The following DNPEP variants were observed in gnomAD, a reference collection of about 807,000 sequenced individuals.
DNPEP encodes aspartyl aminopeptidase.
Under a neutral mutation model 59.1 loss-of-function variants are expected in DNPEP, and 46 were observed. That is an observed-to-expected ratio of 0.78 (90% CI 0.61 to 0.99). The LOEUF (loss-of-function observed/expected upper bound fraction) is 0.99. Ranked by LOEUF, DNPEP falls within the 50% of genes least tolerant of loss-of-function variation. DNPEP has a pLI of 0.00. For missense variants in DNPEP, 617 were observed against 649.9 expected (o/e 0.95, Z 0.55); for synonymous variants, 229 against 242.2 (o/e 0.95, Z 0.50).
rs867064507 is a variant in DNPEP, at chr2:219,387,120, G to A, written c.80C>T (p.Ala27Val). The A allele has an allele frequency of 6.3e-7, 1 of 1,575,636 alleles. No homozygotes were observed. Among genetic ancestry groups the A allele is most frequent in the Non-Finnish European group, 8.6e-7 (1 of 1,159,200 alleles). ...GKARKEAVQT[A>V]AKELLKFVNR... is the part of the protein sequence containing the mutation. ...CACGAACTTGAGGAGTTCCTTAGCC[G>A]CAGTCTGCACCGCCTCTTTGCGGGC... Residue 27 changes from alanine to valine, a missense_variant, in exon 2 of 15, where the codon GCG becomes GTG. Coordinates refer to ENST00000273075, the MANE Select transcript of DNPEP (RefSeq NM_012100.4).
intron 14 of DNPEP, 68 bp downstream of exon 14, chr2:219,374,787 C>T: frequency 6.4e-7 from 1 of 1,553,556 alleles, no homozygotes; most frequent in East Asian, 2.3e-5. Flanking sequence ...GATGTTGTCC[C>T]AGCAACCAAT....
chr2:219,384,288 T>C, intron 9 of DNPEP, 78 bp downstream of exon 9: 15 of 1,408,430 alleles, frequency 1.1e-5, no homozygotes, highest in Non-Finnish European at 1.5e-5. Context: ...CTGCTGGGGC[T>C]TTAGGCAGCT....
chr2:219,390,063 A>G (rs1246110399), upstream of DNPEP, among the ~76,000 whole-genome samples: 2 of 152,048 alleles, frequency 1.3e-5, no homozygotes, highest in African/African-American at 4.8e-5. Context: ...TTCAAACATC[A>G]CCAAAATGCA....
At position 219,384,356 on chromosome 2, in the gene DNPEP, G is replaced by T. The variant is rs574862095; in HGVS notation, c.852+10C>A. 1.9e-6 allele frequency: 3 copies of T among 1,604,764 alleles called. No individual in the cohort carries two copies. The Admixed American group carries it at 5.1e-5, about 27-fold the overall frequency. ...GGTTATGTGCTGCCTGGGGCGCCCCGGCTCCTCACCTGCAGGGCACAGAAG... is the reference window on the plus strand; with the variant it reads ...GGTTATGTGCTGCCTGGGGCGCCCCTGCTCCTCACCTGCAGGGCACAGAAG... On this transcript the variant is annotated intron_variant, in intron 9 of 14. Transcript: ENST00000273075.
upstream of DNPEP, chr2:219,388,055 C>T (rs1953931429): frequency 1.5e-6 from 1 of 676,010 alleles, no homozygotes. Flanking sequence ...CACCACCACC[C>T]GCCTTGCCCC....
chr2:219,399,746 C>T (rs1954155805), intron 1 of DNPEP: 2 of 782,944 alleles, frequency 2.6e-6, no homozygotes, highest in Middle Eastern at 2.3e-4. Flanking sequence ...GAGCAGGGGA[C>T]CCTATTTCAT....
rs1438585708 is a variant in DNPEP at position 219,373,555 on chromosome 2, T to G, written c.*737A>C. 6.6e-6 allele frequency: 1 copy of G among 151,910 alleles called. No homozygotes were observed. The highest frequency in any genetic ancestry group is 1.5e-5 in the Non-Finnish European group (1 of 68,034). The allele number at this position is 151,910 out of a possible 1,614,324, so 9.4% of individuals were successfully genotyped here. On this transcript the variant is annotated 3_prime_UTR_variant, in exon 15 of 15. Coordinates refer to ENST00000273075, the MANE Select transcript of DNPEP (RefSeq NM_012100.4). ...TTTTGTATTTTTTTTTAAGTAGAGA[T>G]GGGTTTCACCATGTTGGCAAGGCTG... is the stretch of plus-strand genomic sequence containing the variant.
At chr2:219,386,250 T>C in intron 5 of DNPEP, 36 bp downstream of exon 5, 1 of 1,613,872 alleles carries the variant, frequency 6.2e-7, no homozygotes. Flanking sequence ...GTCAGTCTTC[T>C]GAGGAGGCTC....
intron 9 of DNPEP, 126 bp downstream of exon 9, chr2:219,384,240 G>T: frequency 1.1e-6 from 1 of 886,922 alleles, no homozygotes; most frequent in Non-Finnish European, 1.7e-6. Context: ...TCCAGCACCA[G>T]CAGACTGAGC....
At chr2:219,387,331 T>A (rs1953891708) in intron 1 of DNPEP, 168 bp from the exon 2 acceptor site, 1 of 1,441,046 alleles carries the variant, frequency 6.9e-7, no homozygotes, top group Non-Finnish European at 9.1e-7. Flanking sequence ...TGAAACTCCG[T>A]TGAAAGCTTC....
Position 219,387,138 on chromosome 2 carries a change from T to A in DNPEP, c.62A>T (p.Lys21Ile). 6.4e-7 allele frequency: 1 copy of A among 1,565,148 alleles called. No individual in the cohort carries two copies. The highest frequency in any genetic ancestry group is 1.4e-5 in the African/African-American group (1 of 73,790). Residue 21 changes from lysine (K) to isoleucine (I), a missense_variant, in exon 2 of 15, where the codon AAA (lysine) becomes ATA (isoleucine). Lys to Ile is a moderately radical substitution (Grantham distance 102). Transcript: ENST00000273075. ...CTTAGCCGCAGTCTGCACCGCCTCT[T>A]TGCGGGCCTTACCGTTCATGGCCAC... Reference protein sequence around the residue: ...MQVAMNGKARKEAVQTAAKEL... With the variant: ...MQVAMNGKARIEAVQTAAKEL...
intron 1 of DNPEP, chr2:219,399,807 C>T: frequency 7.6e-7 from 1 of 1,315,164 alleles, no homozygotes; most frequent in Non-Finnish European, 1.0e-6. Context: ...TCATGGAAGG[C>T]TGGTGCCTAG....
At chr2:219,389,514 G>A (rs1953976600), upstream of DNPEP, among the ~76,000 whole-genome samples, 1 of 152,130 alleles carries the variant, frequency 6.6e-6, no homozygotes, top group Admixed American at 6.6e-5. Flanking sequence ...TAAATTCATG[G>A]CATTCCCTAA....
intron 13 of DNPEP, among the ~76,000 whole-genome samples, chr2:219,377,655 G>T (rs1953427814): frequency 6.6e-6 from 1 of 152,200 alleles, no homozygotes; most frequent in African/African-American, 2.4e-5. Context: ...TGGGAATGGT[G>T]GCTCATGCCT....
rs371744543 is a variant in DNPEP, at chr2:219,382,156, C to A, written c.937-17G>T. On this transcript the variant is annotated splice_polypyrimidine_tract_variant and intron_variant, in intron 10 of 14. Transcript: ENST00000273075. ...AGACCCCACCTGGCGACAGTAGAGT[C>A]CTGACTCTGGGAATCTGGGCTTAGG... 35 of 1,603,416 alleles carry A rather than the reference C, an allele frequency of 2.2e-5. No individual in the cohort carries two copies. Among genetic ancestry groups the A allele is most frequent in the Non-Finnish European group, 2.9e-5 (34 of 1,178,124 alleles).
At chr2:219,388,547 A>T, upstream of DNPEP, 1 of 249,234 alleles carries the variant, frequency 4.0e-6, no homozygotes, top group Non-Finnish European at 6.4e-6. Context: ...GCTGCTCGTT[A>T]GGCCCCGCCC....
At chr2:219,393,928 G>A (rs1036829342) in intron 1 of DNPEP, among the ~76,000 whole-genome samples, 3 of 152,142 alleles carry the variant, frequency 2.0e-5, no homozygotes, top group East Asian at 1.9e-4. Context: ...TCTTGCTTAC[G>A]TAAGGGCACC....
At chr2:219,378,273 C>G (rs757835673) in intron 13 of DNPEP, among the ~76,000 whole-genome samples, 3 of 152,192 alleles carry the variant, frequency 2.0e-5, no homozygotes, top group Non-Finnish European at 2.9e-5. Flanking sequence ...GGGCCTCTCC[C>G]CTAACCCTCT....
At chr2:219,389,715 A>C (rs1195855379), upstream of DNPEP, among the ~76,000 whole-genome samples, 1 of 151,696 alleles carries the variant, frequency 6.6e-6, no homozygotes, top group African/African-American at 2.4e-5. Context: ...CTGTAATCCC[A>C]GCAGCTACTT....
Sources: gnomAD v4.1 joint callset for allele counts (sites outside exome capture counted in the v4.1 genomes callset) on GRCh38, gnomAD v4.1.1 for gene constraint, MANE v1.5 for transcripts, NCBI Gene and HGNC (gene_info 2026-07-23, HGNC 2026-07-21) for gene names.